UBE2O: variants seen among roughly 807,000 people sequenced by gnomAD.
The protein encoded by UBE2O is ubiquitin conjugating enzyme E2 O, also known as (E3-independent) E2 ubiquitin-conjugating enzyme.
Under a neutral mutation model 125.8 loss-of-function variants are expected in UBE2O, and 15 were observed. That is an observed-to-expected ratio of 0.12 (90% CI 0.08 to 0.18). UBE2O has a LOEUF of 0.18. UBE2O is among the 10% of genes least tolerant of loss of function. The pLI is 1.00. For missense variants in UBE2O, 1,280 were observed against 1,723.6 expected, an observed-to-expected ratio of 0.74 and a Z score of 4.56; for synonymous variants, 708 against 703.2, an observed-to-expected ratio of 1.01 and a Z score of -0.11.
At chr17:76,445,204 G>C (rs949583360) in intron 1 of UBE2O, among the ~76,000 whole-genome samples, 2 of 152,062 alleles carry the variant, frequency 1.3e-5, no homozygotes, top group Non-Finnish European at 2.9e-5. Context: ...GTCATTGTTG[G>C]GTAGGACTGA....
At chr17:76,416,146 TAA>T (rs574720232) in intron 1 of UBE2O, among the ~76,000 whole-genome samples, 259 of 151,766 alleles carry the variant, frequency 1.7e-3, no homozygotes, top group Middle Eastern at 6.8e-3. Flanking sequence ...TATAGATATA[TAA>T]AGTGTGGCTT....
rs761778318 is a variant in UBE2O at position 76,399,615 on chromosome 17, T to C, written c.1462A>G (p.Thr488Ala). The change falls in exon 9 of 18, where the codon ACG (threonine) becomes GCG (alanine). Residue 488 changes from threonine to alanine, a missense_variant. Transcript: ENST00000319380. This position sits in a 1 kb window ranked among gnomAD's most constrained non-coding sequence, Gnocchi z 6.9. ...GAGGTCACCGAACTGGTGTCGTCCG[T>C]GTCATCAGCAGCCTCATCATCTGCG... ...QDADDEAADDTDDTSSVTSSA... is the reference protein window; with the variant it reads ...QDADDEAADDADDTSSVTSSA... 30 of 1,614,168 alleles carry C rather than the reference T, an allele frequency of 1.9e-5. No individual in the cohort carries two copies. Among genetic ancestry groups the C allele is most frequent in the Non-Finnish European group, 2.5e-5 (30 of 1,180,028 alleles).
chr17:76,421,031 G>T (rs1368989782), intron 1 of UBE2O, among the ~76,000 whole-genome samples: 1 of 152,174 alleles, frequency 6.6e-6, no homozygotes, highest in East Asian at 1.9e-4. Flanking sequence ...ACACATAGCA[G>T]CATGTATTTG....
At chr17:76,403,107 G>A (rs1453187509) in intron 3 of UBE2O, among the ~76,000 whole-genome samples, 2 of 152,124 alleles carry the variant, frequency 1.3e-5, no homozygotes, top group Non-Finnish European at 2.9e-5. Flanking sequence ...GAGTAAATAC[G>A]TTAACACATC....
At chr17:76,403,731 C>T (rs1298607014) in intron 3 of UBE2O, among the ~76,000 whole-genome samples, 1 of 152,222 alleles carries the variant, frequency 6.6e-6, no homozygotes, top group African/African-American at 2.4e-5. Context: ...TTTAAAAATA[C>T]CATTCTCTGA....
chr17:76,433,730 G>A (rs1197726747), intron 1 of UBE2O, among the ~76,000 whole-genome samples: 1 of 151,608 alleles, frequency 6.6e-6, no homozygotes, highest in Admixed American at 6.6e-5. Context: ...AAAAAAGAGA[G>A]AGAGAGATGG....
intron 1 of UBE2O, among the ~76,000 whole-genome samples, chr17:76,407,565 G>C (rs574016417): frequency 3.4e-4 from 52 of 152,310 alleles, no homozygotes; most frequent in African/African-American, 1.2e-3. Context: ...GTCCCTGAGA[G>C]AGCAGCCAGG....
intron 1 of UBE2O, among the ~76,000 whole-genome samples, chr17:76,428,902 A>ATT (rs935968445): frequency 4.4e-5 from 6 of 136,168 alleles, no homozygotes; most frequent in Non-Finnish European, 6.4e-5. Context: ...CCCCTCTACT[A>ATT]TTTTTTTTTT....
In UBE2O at chr17:76,450,692, G is replaced by A. The variant is rs143276039; in HGVS notation, c.417+2033C>T. Among the ~76,000 whole-genome samples, 1,078 of 152,114 alleles carry A rather than the reference G, an allele frequency of 7.1e-3. 11 individuals are homozygous for A. Among genetic ancestry groups the A allele is most frequent in the Non-Finnish European group, 0.011 (772 of 67,986 alleles). ...GTTGGAGTGCAATGGTGCCATCTCAGCTCACCGCAACCTCCGCCTCCCTGG... is the reference window on the plus strand; with the variant it reads ...GTTGGAGTGCAATGGTGCCATCTCAACTCACCGCAACCTCCGCCTCCCTGG... On this transcript the variant is annotated intron_variant, in intron 1 of 17. Transcript: ENST00000319380.
At chr17:76,403,303 T>C (rs1171280613) in intron 3 of UBE2O, among the ~76,000 whole-genome samples, 1 of 152,116 alleles carries the variant, frequency 6.6e-6, no homozygotes, top group Admixed American at 6.6e-5. Context: ...AGGGTCTTGC[T>C]CTATTGCCCA....
chr17:76,400,179 A>G lies in UBE2O; in HGVS notation c.1123T>C (p.Cys375Arg), dbSNP rs763104453. ...GCCATAGAGCCCTCCCCCTGGGCGC[A>G]GTTTTTTTCTGGACATTCCCAGGCA... The part of the protein sequence containing the change: ...KIAWECPEKN[C>R]AQGEGSMAKK... Residue 375 changes from cysteine (C) to arginine (R), a missense_variant, in exon 8 of 18, where the codon TGC (cysteine) becomes CGC (arginine). Transcript: ENST00000319380. The surrounding 1 kb of genome is among the most constrained non-coding windows in gnomAD (Gnocchi z 4.3). The G allele has an allele frequency of 1.2e-6, 2 of 1,614,104 alleles. No homozygotes were observed. Among genetic ancestry groups the G allele is most frequent in the East Asian group, 2.2e-5 (1 of 44,882 alleles).
rs151288373 is a variant in UBE2O at position 76,404,135 on chromosome 17, G to A, written c.588+1071C>T. ...AACATCAGAGCAATGGCTGGCGCAG[G>A]GGGAACTGTGAATGGAGGCCAAAGC... is the stretch of plus-strand genomic sequence containing the variant. On this transcript the variant is annotated intron_variant, in intron 3 of 17. Transcript: ENST00000319380. This position sits in a 1 kb window ranked among gnomAD's most constrained non-coding sequence, Gnocchi z 4.3. Among the ~76,000 whole-genome samples, 2 of 152,214 alleles carry A rather than the reference G, an allele frequency of 1.3e-5. No individual in the cohort carries two copies. The highest frequency in any genetic ancestry group is 2.9e-5 in the Non-Finnish European group (2 of 68,040).
At position 76,452,728 on chromosome 17, in the gene UBE2O, G is replaced by T. The variant is rs1459957399; in HGVS notation, c.414C>A (p.Thr138=). The change falls in exon 1 of 18, where the codon ACC becomes ACA. Residue 138 remains threonine (T), a synonymous_variant. Coordinates refer to ENST00000319380, the MANE Select transcript of UBE2O (RefSeq NM_022066.4). This position sits in a 1 kb window ranked among gnomAD's most constrained non-coding sequence, Gnocchi z 4.4. The part of the protein sequence containing the change: ...PEGVKQHVKE[T]KLKLEDRSVV... ...GCCCAGCCCCCGCCCGCCGCACCTT[G>T]GTCTCCTTCACATGCTGCTTGACGC... The T allele has an allele frequency of 4.8e-6, 7 of 1,454,722 alleles. No homozygotes were observed. Among genetic ancestry groups the T allele is most frequent in the Admixed American group, 2.7e-5 (1 of 37,658 alleles). 90.1% of individuals were successfully genotyped at this position (1,454,722 alleles called of 1,614,324 possible).
rs1453894272 is a variant in UBE2O at position 76,389,517 on chromosome 17, A to C, written c.*1426T>G. ...CTTGCTAATGAGCCAACACAAAAAA[A>C]AAAAAAAAAAAAAATGCAAGTAAAA... On this transcript the variant is annotated 3_prime_UTR_variant, in exon 18 of 18. Coordinates refer to ENST00000319380, the MANE Select transcript of UBE2O (RefSeq NM_022066.4). The C allele has an allele frequency of 2.6e-5, 4 of 151,512 alleles. No homozygotes were observed. The highest frequency in any genetic ancestry group is 5.9e-5 in the Non-Finnish European group (4 of 67,700). The allele number at this position is 151,512 out of a possible 1,614,324, so 9.4% of individuals were successfully genotyped here. A position where few individuals can be genotyped will look rare whatever the true frequency, so the allele number is the denominator to read the frequency against.
At chr17:76,440,391 G>A (rs1453771176) in intron 1 of UBE2O, among the ~76,000 whole-genome samples, 1 of 152,184 alleles carries the variant, frequency 6.6e-6, no homozygotes, top group Non-Finnish European at 1.5e-5. Context: ...TGGGTCGCAC[G>A]ATCACGGCCC....
intron 1 of UBE2O, among the ~76,000 whole-genome samples, chr17:76,435,407 CACACACACAT>C (rs754129379): frequency 0.17 from 13,701 of 79,820 alleles, 727 homozygotes; most frequent in South Asian, 0.25. Context: ...CAGATACACA[CACACACACAT>C]ACACACACAC....
chr17:76,436,418 C>G (rs893025095), intron 1 of UBE2O, among the ~76,000 whole-genome samples: 1 of 152,010 alleles, frequency 6.6e-6, no homozygotes. Flanking sequence ...ACTTAATAGA[C>G]CAATCAGGAA....
chr17:76,423,014 T>A (rs1322139923), intron 1 of UBE2O, among the ~76,000 whole-genome samples: 2 of 152,176 alleles, frequency 1.3e-5, no homozygotes, highest in African/African-American at 4.8e-5. Context: ...CGGGGAAGTG[T>A]CCCTGCTGAC....
Position 76,397,891 on chromosome 17 carries a change from G to A in UBE2O, c.2026-3C>T, listed in dbSNP as rs760454245. On this transcript the variant is annotated splice_region_variant and splice_polypyrimidine_tract_variant and intron_variant, in intron 12 of 17. Transcript: ENST00000319380. ...CGGGCCACCTGGCCCACCGATGGCT[G>A]CTGGGCAAAGGGGACAAAGTCAGGG... 2.1e-5 allele frequency: 34 copies of A among 1,613,840 alleles called. 1 individual carries two copies. The highest frequency in any genetic ancestry group is 3.3e-5 in the South Asian group (3 of 91,094).
Sources: gnomAD v4.1 joint callset for allele counts (sites outside exome capture counted in the v4.1 genomes callset) on GRCh38, gnomAD v4.1.1 for gene constraint, Gnocchi (gnomAD v3.1) non-coding constraint, MANE v1.5 for transcripts, NCBI Gene and HGNC (gene_info 2026-07-23, HGNC 2026-07-21) for gene names.